The following MACF1 variants were observed in gnomAD, a reference collection of about 807,000 sequenced individuals.
MACF1 encodes the protein microtubule-actin cross-linking factor 1.
MACF1 carries 193 observed loss-of-function variants against 854.8 expected under a neutral mutation model. That is an observed-to-expected ratio of 0.23 (90% CI 0.20 to 0.25). The LOEUF (loss-of-function observed/expected upper bound fraction) is 0.25, where lower values mean the gene tolerates loss of function less well. Ranked by LOEUF, MACF1 falls within the 10% of genes least tolerant of loss-of-function variation. MACF1 has a pLI of 1.00. For missense variants in MACF1, 7,722 were observed against 8,929.1 expected, an observed-to-expected ratio of 0.86 and a Z score of 5.45; for synonymous variants, 3,185 against 3,226.7, an observed-to-expected ratio of 0.99 and a Z score of 0.44.
chr1:39,349,763 G>A (rs2148498690), intron 42 of MACF1, 136 bp downstream of exon 42: 1 of 921,594 alleles, frequency 1.1e-6, no homozygotes, highest in East Asian at 2.8e-5. Context: ...CTCCCCAGGA[G>A]CTGGGACAAA....
intron 91 of MACF1, chr1:39,459,762 G>A (rs971707559): frequency 1.6e-6 from 2 of 1,228,068 alleles, no homozygotes; most frequent in African/African-American, 1.6e-5. Context: ...ATGCTTCCTA[G>A]TTTCTAAAAC....
chr1:39,321,971 C>T (rs1188029729), intron 31 of MACF1, among the ~76,000 whole-genome samples: 1 of 152,048 alleles, frequency 6.6e-6, no homozygotes. Flanking sequence ...AAGAGGCTAC[C>T]GCACTTATAA....
At chr1:39,285,896 TC>T in intron 14 of MACF1, 138 bp downstream of exon 14, 2 of 899,896 alleles carry the variant, frequency 2.2e-6, no homozygotes, top group Non-Finnish European at 3.3e-6. Flanking sequence ...ATACTACAGG[TC>T]TCTTGGGCAG....
intron 97 of MACF1, among the ~76,000 whole-genome samples, chr1:39,474,776 G>A (rs536063354): frequency 4.6e-4 from 70 of 152,324 alleles, no homozygotes; most frequent in African/African-American, 1.4e-3. Context: ...CTCAGCGACA[G>A]AGTGAGACTG....
At chr1:39,360,720 T>A (rs1305829577) in intron 47 of MACF1, 73 bp from the exon 48 acceptor site, 1 of 396,648 alleles carries the variant, frequency 2.5e-6, no homozygotes, top group Non-Finnish European at 3.7e-6. Flanking sequence ...TTTAATAATA[T>A]TAATAATAAA....
intron 2 of MACF1, among the ~76,000 whole-genome samples, chr1:39,139,988 C>T (rs1360249757): frequency 6.6e-6 from 1 of 150,422 alleles, no homozygotes; most frequent in Non-Finnish European, 1.5e-5. Flanking sequence ...AAGGTCTTGG[C>T]TGTTGCACAG....
At chr1:39,212,742 C>A (rs906992066) in intron 1 of MACF1, among the ~76,000 whole-genome samples, 2 of 152,300 alleles carry the variant, frequency 1.3e-5, no homozygotes, top group African/African-American at 4.8e-5. Context: ...CGTGCCTCAG[C>A]CTCCCAGGTA....
At chr1:39,269,254 C>T (rs1645273238) in intron 6 of MACF1, 1 of 1,289,850 alleles carries the variant, frequency 7.8e-7, no homozygotes, top group Non-Finnish European at 1.0e-6. Context: ...GGAGAGACTG[C>T]AGTGGAGAAA....
At chr1:39,226,158 A>G (rs964156336) in intron 1 of MACF1, among the ~76,000 whole-genome samples, 1 of 152,158 alleles carries the variant, frequency 6.6e-6, no homozygotes, top group African/African-American at 2.4e-5. Flanking sequence ...AGTCTTGGGA[A>G]GGGCTTGTAA....
At chr1:39,438,849 G>A (rs1170523398) in intron 71 of MACF1, among the ~76,000 whole-genome samples, 3 of 151,738 alleles carry the variant, frequency 2.0e-5, no homozygotes, top group Non-Finnish European at 4.4e-5. Flanking sequence ...TTGGGAGGCC[G>A]AGGCGGGTGG....
chr1:39,335,372 ATGTCTAG>A lies in MACF1; in HGVS notation c.8785_8791del (p.Cys2929IlefsTer5). The A allele has an allele frequency of 1.2e-6, 2 of 1,613,878 alleles. No individual in the cohort carries two copies. Among genetic ancestry groups the A allele is most frequent in the Non-Finnish European group, 1.7e-6 (2 of 1,179,770 alleles). ...TTTCTCATATGAAGCAGTCTACCTC[ATGTCTAG>A]ATTCTGAAGAAATAAGAGAAAATCA... On this transcript the variant is annotated frameshift_variant, in exon 37 of 101. Transcript: ENST00000564288. LOFTEE classifies it high-confidence loss of function.
Position 39,460,608 on chromosome 1 carries a change from T to C in MACF1, c.21361-24T>C. On this transcript the variant is annotated intron_variant, in intron 91 of 100. Transcript: ENST00000564288. The surrounding 1 kb of genome is among the most constrained non-coding windows in gnomAD (Gnocchi z 4.1). ...TTGAGGGCCCAAAAAATAAATCTTA[T>C]TGACACTTCTGATTTCTGTGTAGTT... is the stretch of plus-strand genomic sequence containing the variant. The C allele has an allele frequency of 2.5e-6, 4 of 1,612,722 alleles. No individual in the cohort carries two copies. Among genetic ancestry groups the C allele is most frequent in the Non-Finnish European group, 3.4e-6 (4 of 1,178,824 alleles).
intron 2 of MACF1, among the ~76,000 whole-genome samples, chr1:39,163,798 TG>T (rs758244398): frequency 3.6e-4 from 55 of 152,254 alleles, no homozygotes; most frequent in Non-Finnish European, 7.4e-4. Context: ...TTTAAGGGGG[TG>T]CTTTTTTCCC....
At chr1:39,229,698 A>G (rs1198433594) in intron 1 of MACF1, among the ~76,000 whole-genome samples, 1 of 152,164 alleles carries the variant, frequency 6.6e-6, no homozygotes, top group Non-Finnish European at 1.5e-5. Flanking sequence ...TTTGAATTGC[A>G]TAACCATGTT....
intron 49 of MACF1, among the ~76,000 whole-genome samples, chr1:39,364,307 G>A (rs1246013375): frequency 1.3e-5 from 2 of 150,804 alleles, no homozygotes; most frequent in African/African-American, 4.9e-5. Flanking sequence ...ATTTATTTGT[G>A]AACTATCTGT....
chr1:39,242,380 C>T (rs1644934859), intron 2 of MACF1, among the ~76,000 whole-genome samples: 1 of 151,526 alleles, frequency 6.6e-6, no homozygotes, highest in Admixed American at 6.6e-5. Flanking sequence ...CAGCAGACCC[C>T]TCCTTGACTT....
chr1:39,206,677 G>A (rs1206122217), intron 1 of MACF1: 1 of 151,880 alleles, frequency 6.6e-6, no homozygotes, highest in Non-Finnish European at 1.5e-5. Flanking sequence ...AGTTATATCG[G>A]GAATGTGCTA....
chr1:39,144,968 A>G (rs1020068948), intron 2 of MACF1, among the ~76,000 whole-genome samples: 2 of 152,014 alleles, frequency 1.3e-5, no homozygotes, highest in African/African-American at 4.8e-5. Flanking sequence ...CAGCCCCTTT[A>G]TGGTGTCAGT....
intron 6 of MACF1, chr1:39,269,317 C>T (rs1274982976): frequency 7.8e-7 from 1 of 1,289,770 alleles, no homozygotes. Context: ...ACAGACTACC[C>T]CACTGATAAA....
Sources: allele counts gnomAD v4.1 joint callset (sites outside exome capture counted in the v4.1 genomes callset), GRCh38; gene constraint gnomAD v4.1.1; non-coding constraint Gnocchi (gnomAD v3.1); transcripts MANE v1.5; gene names NCBI Gene and HGNC (gene_info 2026-07-23, HGNC 2026-07-21).